Variants in PTPRG observed in about 807,000 individuals in gnomAD.
PTPRG encodes protein tyrosine phosphatase receptor type G, also known as receptor-type tyrosine-protein phosphatase gamma.
Under a neutral mutation model 165.3 loss-of-function variants are expected in PTPRG, and 102 were observed. That is an observed-to-expected ratio of 0.62 (90% confidence interval 0.53 to 0.73). The LOEUF (loss-of-function observed/expected upper bound fraction) is 0.73. Ranked by LOEUF, PTPRG falls within the 30% of genes least tolerant of loss-of-function variation. The pLI is 0.00. For synonymous variants in PTPRG, 675 were observed against 669.5 expected (o/e 1.01, Z -0.13); for missense variants, 1,866 against 1,861.4 (o/e 1.00, Z -0.05).
chr3:61,989,753 T>G lies in PTPRG; in HGVS notation c.319T>G (p.Phe107Val). ...EEYQELQLDG[F>V]DNESSNKTWM... ...ATACCAGGAACTGCAACTCGATGGC[T>G]TCGACAATGAGTCTTCTAACAAAAC... Residue 107 changes from phenylalanine (F) to valine (V), a missense_variant, in exon 3 of 30, where the codon TTC (phenylalanine) becomes GTC (valine). Transcript: ENST00000474889. 1 of 1,614,166 alleles carries G rather than the reference T, an allele frequency of 6.2e-7. No homozygotes were observed. The highest frequency in any genetic ancestry group is 8.5e-7 in the Non-Finnish European group (1 of 1,180,014).
intron 1 of PTPRG, among the ~76,000 whole-genome samples, chr3:61,655,476 G>C (rs1702484374): frequency 6.6e-6 from 1 of 152,158 alleles, no homozygotes; most frequent in Non-Finnish European, 1.5e-5. Flanking sequence ...GACTAAATGA[G>C]TATTATAATT....
At chr3:62,241,485 A>G (rs1701159609) in intron 14 of PTPRG, among the ~76,000 whole-genome samples, 1 of 152,068 alleles carries the variant, frequency 6.6e-6, no homozygotes, top group Non-Finnish European at 1.5e-5. Flanking sequence ...TCATGGAGTT[A>G]TTTTGCTCCA....
chr3:62,111,175 C>T (rs912017405), intron 5 of PTPRG, among the ~76,000 whole-genome samples: 2 of 152,162 alleles, frequency 1.3e-5, no homozygotes, highest in African/African-American at 4.8e-5. Context: ...GGAACTGTGT[C>T]CCCTTCTCTG....
intron 2 of PTPRG, chr3:61,769,225 C>G (rs1234317156): frequency 1.3e-5 from 2 of 152,104 alleles, no homozygotes; most frequent in Admixed American, 6.5e-5. Flanking sequence ...GGTTTTCTTT[C>G]ACTGAATTTG....
chr3:62,171,283 G>T (rs1053702486), intron 8 of PTPRG, among the ~76,000 whole-genome samples: 3 of 152,162 alleles, frequency 2.0e-5, no homozygotes, highest in African/African-American at 7.2e-5. Context: ...GAGTAAAATG[G>T]CAGCATCCTA....
At chr3:61,874,328 T>A (rs1252505566) in intron 2 of PTPRG, among the ~76,000 whole-genome samples, 1 of 152,220 alleles carries the variant, frequency 6.6e-6, no homozygotes, top group Non-Finnish European at 1.5e-5. Flanking sequence ...TCTTACCAAA[T>A]ATGTTTATCC....
chr3:62,078,069 G>A (rs1701449422), intron 4 of PTPRG, 94 bp from the exon 5 acceptor site: 1 of 776,976 alleles, frequency 1.3e-6, no homozygotes, highest in Admixed American at 3.3e-5. Flanking sequence ...AATCTTATTA[G>A]CAACTGGGGA....
chr3:61,732,445 C>G (rs970746957), intron 1 of PTPRG, among the ~76,000 whole-genome samples: 4 of 151,962 alleles, frequency 2.6e-5, no homozygotes, highest in African/African-American at 4.8e-5. Flanking sequence ...GGCATGGTGG[C>G]GAGCACCTGT....
chr3:62,118,989 G>A (rs1702963355), intron 5 of PTPRG, among the ~76,000 whole-genome samples: 1 of 152,204 alleles, frequency 6.6e-6, no homozygotes, highest in Non-Finnish European at 1.5e-5. Flanking sequence ...CTTCTAGGAA[G>A]CAAACATCTT....
At chr3:62,242,293 A>G (rs1701177093) in intron 14 of PTPRG, among the ~76,000 whole-genome samples, 1 of 152,208 alleles carries the variant, frequency 6.6e-6, no homozygotes, top group South Asian at 2.1e-4. Flanking sequence ...TTTATTATTT[A>G]TATTATAAAT....
intron 12 of PTPRG, among the ~76,000 whole-genome samples, chr3:62,207,827 T>C (rs2106853244): frequency 6.6e-6 from 1 of 152,214 alleles, no homozygotes; most frequent in Non-Finnish European, 1.5e-5. Flanking sequence ...AACCAGTTAA[T>C]ACTAATGAGA....
chr3:62,086,682 CT>C lies in PTPRG; in HGVS notation c.615+8432del, dbSNP rs1050739294. The stretch of plus-strand genomic sequence containing the variant: ...GAATGTTTTGGGTTGATTAAGAAGA[CT>C]TTTTTTTAATCCACAAACAAAAATT... On this transcript the variant is annotated intron_variant, in intron 5 of 29. Coordinates refer to ENST00000474889, the MANE Select transcript of PTPRG (RefSeq NM_002841.4). Among the ~76,000 whole-genome samples the C allele has an allele frequency of 5.9e-5, 9 of 152,098 alleles. No homozygotes were observed. The East Asian group carries it at 7.7e-4, about 13-fold the overall frequency.
At chr3:62,114,805 C>G (rs1279125360) in intron 5 of PTPRG, among the ~76,000 whole-genome samples, 1 of 151,976 alleles carries the variant, frequency 6.6e-6, no homozygotes, top group African/African-American at 2.4e-5. Context: ...CCTTGCCCTA[C>G]TAATTTTTAG....
chr3:62,277,532 T>G lies in PTPRG; in HGVS notation c.3637-19T>G. The G allele has an allele frequency of 6.2e-7, 1 of 1,606,702 alleles. No homozygotes were observed. The highest frequency in any genetic ancestry group is 8.5e-7 in the Non-Finnish European group (1 of 1,178,290). On this transcript the variant is annotated intron_variant, in intron 25 of 29. Transcript: ENST00000474889. ...AAAACACTCATATTCACTGATTTTT[T>G]TTGTCTTCCCAACTGAAGGGCTATT... is the stretch of plus-strand genomic sequence containing the variant.
At chr3:61,951,205 T>A (rs1012974869) in intron 2 of PTPRG, among the ~76,000 whole-genome samples, 1 of 152,114 alleles carries the variant, frequency 6.6e-6, no homozygotes, top group Non-Finnish European at 1.5e-5. Flanking sequence ...AGTTGAACTC[T>A]TTTTCCTAGT....
chr3:61,890,423 G>GTTTT (rs11328993), intron 2 of PTPRG, among the ~76,000 whole-genome samples: 1 of 119,240 alleles, frequency 8.4e-6, no homozygotes, highest in African/African-American at 3.3e-5. Context: ...TTTTTTTTTT[G>GTTTT]TTTTTTTTTT....
At chr3:61,731,566 C>G (rs1214740231) in intron 1 of PTPRG, among the ~76,000 whole-genome samples, 2 of 152,028 alleles carry the variant, frequency 1.3e-5, no homozygotes, top group Non-Finnish European at 2.9e-5. Flanking sequence ...CCAGAATGGT[C>G]TAAATCTCCT....
intron 1 of PTPRG, among the ~76,000 whole-genome samples, chr3:61,619,326 G>A (rs1013911219): frequency 2.0e-5 from 3 of 152,078 alleles, no homozygotes; most frequent in Admixed American, 2.0e-4. Context: ...TGATGAGTAT[G>A]TACACCCACG....
intron 6 of PTPRG, among the ~76,000 whole-genome samples, chr3:62,146,707 G>A (rs887317659): frequency 1.3e-5 from 2 of 151,776 alleles, no homozygotes; most frequent in African/African-American, 2.4e-5. Flanking sequence ...GTGACTGATA[G>A]CAAATATTTT....
Sources: allele counts gnomAD v4.1 joint callset (sites outside exome capture counted in the v4.1 genomes callset), GRCh38; gene constraint gnomAD v4.1.1; transcripts MANE v1.5; gene names NCBI Gene and HGNC (gene_info 2026-07-23, HGNC 2026-07-21).